Variants in PTPRT observed in about 807,000 individuals in gnomAD.
PTPRT encodes the protein receptor-type tyrosine-protein phosphatase T.
PTPRT carries 56 observed loss-of-function variants against 176.8 expected under a neutral mutation model. The observed-to-expected ratio is 0.32, with a 90% CI of 0.26 to 0.40. PTPRT has a LOEUF of 0.40. Ranked by LOEUF, PTPRT falls within the 10% of genes least tolerant of loss-of-function variation. The pLI, the probability that PTPRT is intolerant of heterozygous loss-of-function variation, is 1.00. For missense variants in PTPRT, 1,540 were observed against 1,908.2 expected, an observed-to-expected ratio of 0.81 and a Z score of 3.60; for synonymous variants, 783 against 739.0, an observed-to-expected ratio of 1.06 and a Z score of -0.96.
chr20:42,778,854 C>T (rs1292837915), intron 4 of PTPRT, among the ~76,000 whole-genome samples: 1 of 152,114 alleles, frequency 6.6e-6, no homozygotes, highest in Non-Finnish European at 1.5e-5. Context: ...AAACATTTCC[C>T]CAGGCATGAC....
At chr20:42,924,281 G>A (rs980384636) in intron 1 of PTPRT, among the ~76,000 whole-genome samples, 18 of 152,284 alleles carry the variant, frequency 1.2e-4, no homozygotes, top group Non-Finnish European at 2.2e-4. Context: ...AGCCCTGGAT[G>A]ATCTTTGGGT....
At chr20:42,348,370 T>TTTCATTTATTTATTTA (rs1555830098) in intron 11 of PTPRT, among the ~76,000 whole-genome samples, 3 of 146,618 alleles carry the variant, frequency 2.0e-5, no homozygotes, top group Non-Finnish European at 3.0e-5. Context: ...GTGACATTTC[T>TTTCATTTATTTATTTA]TTTATTTATT....
chr20:42,681,530 G>C (rs549982518), intron 6 of PTPRT, among the ~76,000 whole-genome samples: 1 of 152,280 alleles, frequency 6.6e-6, no homozygotes, highest in African/African-American at 2.4e-5. Context: ...GGGTCCCCTA[G>C]TTCTCAGTTG....
chr20:42,912,003 AT>A (rs1978424943), intron 1 of PTPRT, among the ~76,000 whole-genome samples: 1 of 145,834 alleles, frequency 6.9e-6, no homozygotes, highest in Non-Finnish European at 1.5e-5. Context: ...TTGCTTTCAA[AT>A]TTTACTACTT....
chr20:42,494,676 T>G (rs917288599), intron 7 of PTPRT, among the ~76,000 whole-genome samples: 13 of 152,142 alleles, frequency 8.5e-5, no homozygotes, highest in Non-Finnish European at 8.8e-5. Flanking sequence ...TCCCCCACCT[T>G]AGCCTGAAAA....
rs117891576 is a variant in PTPRT, at chr20:42,925,725, G to A, written c.89-39793C>T. Among the ~76,000 whole-genome samples the A allele has an allele frequency of 8.2e-3, 1,253 of 152,298 alleles. 8 individuals carry two copies. Among genetic ancestry groups the A allele is most frequent in the Non-Finnish European group, 0.013 (851 of 68,034 alleles). ...CTTGGGTTTCTGATTCAGTGGGTCC[G>A]GGGAGGGGCCTGAGAATCTGCATGT... On this transcript the variant is annotated intron_variant, in intron 1 of 30. Coordinates refer to ENST00000373187, the MANE Select transcript of PTPRT (RefSeq NM_007050.6).
At chr20:43,124,853 C>T (rs1022558505) in intron 1 of PTPRT, among the ~76,000 whole-genome samples, 3 of 152,122 alleles carry the variant, frequency 2.0e-5, no homozygotes, top group Admixed American at 6.5e-5. Context: ...CATGAGCAAA[C>T]GTGGAGTGTG....
intron 1 of PTPRT, among the ~76,000 whole-genome samples, chr20:43,075,887 C>T (rs2011261506): frequency 6.6e-6 from 1 of 152,220 alleles, no homozygotes; most frequent in Non-Finnish European, 1.5e-5. Flanking sequence ...TGCTCCCTTT[C>T]AAAGCAGGAA....
chr20:42,043,002 T>C, the PTPRT span, among the ~76,000 whole-genome samples: 2 of 152,244 alleles, frequency 1.3e-5, no homozygotes, highest in Non-Finnish European at 2.9e-5. Context: ...GAGACTGATG[T>C]GTGCCCTCAG....
At chr20:42,803,383 C>A (rs1277581578) in intron 2 of PTPRT, among the ~76,000 whole-genome samples, 1 of 152,176 alleles carries the variant, frequency 6.6e-6, no homozygotes, top group Non-Finnish European at 1.5e-5. Flanking sequence ...TTTTTTTCCC[C>A]AGACAGGTTG....
In PTPRT at chr20:42,620,908, G is replaced by A. The variant is rs185097312; in HGVS notation, c.1153+56958C>T. Among the ~76,000 whole-genome samples the A allele has an allele frequency of 4.0e-3, 616 of 152,216 alleles. 5 individuals are homozygous for A. The highest frequency in any genetic ancestry group is 0.014 in the African/African-American group (563 of 41,538). ...GCAGAAAACACCCGTCTTCTGCATC[G>A]CTCACGCTGGGAGCTGTAGACCGGA... On this transcript the variant is annotated intron_variant, in intron 7 of 30. Transcript: ENST00000373187.
At chr20:42,362,321 C>T (rs2058441934) in intron 9 of PTPRT, among the ~76,000 whole-genome samples, 1 of 152,032 alleles carries the variant, frequency 6.6e-6, no homozygotes, top group Admixed American at 6.6e-5. Context: ...TCATATGCCT[C>T]TTGATACGAT....
At chr20:42,328,143 C>T (rs1180544831) in intron 11 of PTPRT, among the ~76,000 whole-genome samples, 3 of 152,054 alleles carry the variant, frequency 2.0e-5, no homozygotes, top group Non-Finnish European at 1.5e-5. Context: ...GCCACAATTT[C>T]CTGCTCTTTA....
chr20:42,999,087 G>T (rs569972493), intron 1 of PTPRT, among the ~76,000 whole-genome samples: 1 of 152,172 alleles, frequency 6.6e-6, no homozygotes, highest in Admixed American at 6.5e-5. Flanking sequence ...CTCTTTATAG[G>T]CAACTAAGAA....
intron 1 of PTPRT, among the ~76,000 whole-genome samples, chr20:42,903,452 C>T (rs2079432353): frequency 6.6e-6 from 1 of 152,218 alleles, no homozygotes; most frequent in African/African-American, 2.4e-5. Context: ...CATTTAATTA[C>T]ATCAAGTAAA....
chr20:42,953,907 C>A (rs1337188565), intron 1 of PTPRT, among the ~76,000 whole-genome samples: 5 of 152,068 alleles, frequency 3.3e-5, no homozygotes, highest in African/African-American at 4.8e-5. Flanking sequence ...TCAGTCGTGA[C>A]AAGCAAAAAT....
intron 1 of PTPRT, among the ~76,000 whole-genome samples, chr20:43,004,726 T>C (rs532516489): frequency 1.3e-5 from 2 of 152,340 alleles, no homozygotes; most frequent in African/African-American, 2.4e-5. Flanking sequence ...AATGGCACAA[T>C]AGCATCACCA....
intron 1 of PTPRT, among the ~76,000 whole-genome samples, chr20:43,170,197 A>G (rs937882296): frequency 1.3e-5 from 2 of 151,984 alleles, no homozygotes; most frequent in South Asian, 2.1e-4. Context: ...CTTATTTGAT[A>G]TACAGAGGAA....
At chr20:42,492,154 G>A (rs1328289687) in intron 7 of PTPRT, among the ~76,000 whole-genome samples, 1 of 152,146 alleles carries the variant, frequency 6.6e-6, no homozygotes, top group Non-Finnish European at 1.5e-5. Context: ...GGACATTCAT[G>A]TATAAGTTTC....
Sources: allele counts gnomAD v4.1 joint callset (sites outside exome capture counted in the v4.1 genomes callset), GRCh38; gene constraint gnomAD v4.1.1; transcripts MANE v1.5; gene names NCBI Gene and HGNC (gene_info 2026-07-23, HGNC 2026-07-21).